FSTL4: variants seen among roughly 807,000 people sequenced by gnomAD.
The protein encoded by FSTL4 is follistatin-related protein 4.
FSTL4 carries 28 observed loss-of-function variants against 78.2 expected under a neutral mutation model. The ratio of observed to expected loss-of-function variants is 0.36; its 90% confidence interval spans 0.27 to 0.49. The LOEUF is 0.49. Ranked by LOEUF, FSTL4 falls within the 20% of genes least tolerant of loss-of-function variation. The pLI, the probability that FSTL4 is intolerant of heterozygous loss-of-function variation, is 0.98. For missense variants in FSTL4, 922 were observed against 1,084.9 expected (o/e 0.85, Z 2.11); for synonymous variants, 422 against 440.5 (o/e 0.96, Z 0.53).
chr5:133,544,982 G>C (rs1759545506), intron 3 of FSTL4, among the ~76,000 whole-genome samples: 1 of 152,146 alleles, frequency 6.6e-6, no homozygotes, highest in Non-Finnish European at 1.5e-5. Flanking sequence ...AATTTGACTG[G>C]TATTTGTCCC....
intron 3 of FSTL4, among the ~76,000 whole-genome samples, chr5:133,413,627 A>G (rs1351101617): frequency 6.6e-6 from 1 of 152,068 alleles, no homozygotes; most frequent in East Asian, 1.9e-4. Flanking sequence ...TGGTATCTCT[A>G]TTCCATTATT....
chr5:133,241,785 G>T (rs958264748), intron 7 of FSTL4, among the ~76,000 whole-genome samples: 1 of 152,150 alleles, frequency 6.6e-6, no homozygotes, highest in East Asian at 1.9e-4. Flanking sequence ...TCTTCCTGGG[G>T]ATCCTTGGAT....
chr5:133,679,390 T>C, the FSTL4 span, among the ~76,000 whole-genome samples: 1 of 152,126 alleles, frequency 6.6e-6, no homozygotes, highest in Non-Finnish European at 1.5e-5. Context: ...AACCTTTCTG[T>C]GGGTAGCAGT....
At chr5:133,242,922 T>C (rs1381387398) in intron 7 of FSTL4, among the ~76,000 whole-genome samples, 1 of 152,226 alleles carries the variant, frequency 6.6e-6, no homozygotes, top group Admixed American at 6.5e-5. Context: ...CAAACGCCTC[T>C]CATCTTTTTA....
intron 3 of FSTL4, among the ~76,000 whole-genome samples, chr5:133,566,573 C>T (rs1760031717): frequency 6.6e-6 from 1 of 152,166 alleles, no homozygotes; most frequent in African/African-American, 2.4e-5. Flanking sequence ...CTAGGTATTA[C>T]TGAAAATGAA....
Position 133,225,392 on chromosome 5 carries a change from C to A in FSTL4, c.1178-108G>T. 7.3e-7 allele frequency: 1 copy of A among 1,364,084 alleles called. No homozygotes were observed. Among genetic ancestry groups the A allele is most frequent in the Non-Finnish European group, 1.0e-6 (1 of 977,272 alleles). The allele number at this position is 1,364,084 out of a possible 1,614,324, so 84.5% of individuals were successfully genotyped here. A position where few individuals can be genotyped will look rare whatever the true frequency, so the allele number is the denominator to read the frequency against. On this transcript the variant is annotated intron_variant, in intron 9 of 15. Transcript: ENST00000265342. The surrounding 1 kb of genome is among the most constrained non-coding windows in gnomAD (Gnocchi z 4.6). ...GGCTGCCCAGCCCCTGGGCAGCCAGCAGCCCTGATTATACGCCCAGGAAGG... is the reference window on the plus strand; with the variant it reads ...GGCTGCCCAGCCCCTGGGCAGCCAGAAGCCCTGATTATACGCCCAGGAAGG...
intron 2 of FSTL4, among the ~76,000 whole-genome samples, chr5:133,591,677 A>G (rs1487546995): frequency 6.6e-6 from 1 of 152,106 alleles, no homozygotes; most frequent in East Asian, 1.9e-4. Flanking sequence ...ATACAGACAG[A>G]ACTCAAATGA....
chr5:133,413,517 T>G (rs1756521073), intron 3 of FSTL4, among the ~76,000 whole-genome samples: 1 of 152,196 alleles, frequency 6.6e-6, no homozygotes, highest in African/African-American at 2.4e-5. Context: ...ACACACATAT[T>G]TCTTTGCATT....
intron 6 of FSTL4, among the ~76,000 whole-genome samples, chr5:133,288,198 A>C (rs1477448666): frequency 6.6e-6 from 1 of 152,250 alleles, no homozygotes; most frequent in Non-Finnish European, 1.5e-5. Context: ...ACCTCTTACT[A>C]ACTAGGTAGC....
chr5:133,410,111 T>C (rs1266631474), intron 3 of FSTL4, among the ~76,000 whole-genome samples: 1 of 152,236 alleles, frequency 6.6e-6, no homozygotes, highest in Non-Finnish European at 1.5e-5. Context: ...TGAAGGGTTA[T>C]TTTGGAGACC....
At chr5:133,647,772 A>G in the FSTL4 span, among the ~76,000 whole-genome samples, 1 of 152,184 alleles carries the variant, frequency 6.6e-6, no homozygotes, top group Non-Finnish European at 1.5e-5. Flanking sequence ...GCCCAACTCT[A>G]ACATTCTTGA....
In FSTL4 at chr5:133,405,679, T is replaced by C. The variant is rs138461405; in HGVS notation, c.161-4693A>G. ...TTCTTCCCCGCTTTAAGATAACTTA[T>C]ACCCTCACACGTGGCAAGGTGGTCC... On this transcript the variant is annotated intron_variant, in intron 3 of 15. Transcript: ENST00000265342. Among the ~76,000 whole-genome samples, 841 of 152,338 alleles carry C rather than the reference T, an allele frequency of 5.5e-3. 18 individuals are homozygous for C. The South Asian group carries it at 0.072, about 13-fold the overall frequency.
chr5:133,399,558 C>G (rs1756164363), intron 4 of FSTL4, among the ~76,000 whole-genome samples: 1 of 152,224 alleles, frequency 6.6e-6, no homozygotes, highest in Non-Finnish European at 1.5e-5. Flanking sequence ...GCTCCACCAC[C>G]TCAGCCATGA....
At chr5:133,691,460 C>T in the FSTL4 span, among the ~76,000 whole-genome samples, 1 of 152,088 alleles carries the variant, frequency 6.6e-6, no homozygotes, top group African/African-American at 2.4e-5. Flanking sequence ...TGGCTCTGAC[C>T]CACATCTAAA....
intron 6 of FSTL4, chr5:133,275,998 T>C (rs1581586587): frequency 6.6e-6 from 1 of 152,270 alleles, no homozygotes; most frequent in South Asian, 2.1e-4. Context: ...AGTTTGCTTT[T>C]ATTTCATTTA....
At chr5:133,358,398 C>G (rs900484602) in intron 4 of FSTL4, among the ~76,000 whole-genome samples, 4 of 152,062 alleles carry the variant, frequency 2.6e-5, no homozygotes, top group African/African-American at 9.7e-5. Context: ...GAATGACGGC[C>G]TTACGTGTTG....
the FSTL4 span, among the ~76,000 whole-genome samples, chr5:133,684,965 A>G: frequency 1.3e-5 from 2 of 152,208 alleles, no homozygotes; most frequent in African/African-American, 2.4e-5. Flanking sequence ...AATAGCAGAC[A>G]TGCTTCACTT....
At chr5:133,662,924 C>T in the FSTL4 span, among the ~76,000 whole-genome samples, 2 of 152,062 alleles carry the variant, frequency 1.3e-5, no homozygotes, top group Non-Finnish European at 2.9e-5. Context: ...AATTTAAGAT[C>T]AAGAGTACAC....
intron 6 of FSTL4, among the ~76,000 whole-genome samples, chr5:133,280,786 A>G (rs1334132952): frequency 6.6e-6 from 1 of 152,150 alleles, no homozygotes; most frequent in Non-Finnish European, 1.5e-5. Flanking sequence ...CATTCCAGCC[A>G]CGCTGGCCTG....
Sources: allele counts gnomAD v4.1 joint callset (sites outside exome capture counted in the v4.1 genomes callset), GRCh38; gene constraint gnomAD v4.1.1; non-coding constraint Gnocchi (gnomAD v3.1); transcripts MANE v1.5; gene names NCBI Gene and HGNC (gene_info 2026-07-23, HGNC 2026-07-21).